Variants in LARP1B observed in about 807,000 individuals in gnomAD.
LARP1B encodes the protein la-related protein 1B.
Under a neutral mutation model 114.2 loss-of-function variants are expected in LARP1B, and 76 were observed. The ratio of observed to expected loss-of-function variants is 0.67; its 90% CI spans 0.55 to 0.81. LARP1B has a LOEUF of 0.81. Ranked by LOEUF, LARP1B falls within the 30% of genes least tolerant of loss-of-function variation. The pLI, the probability that LARP1B is intolerant of heterozygous loss-of-function variation, is 0.00. For missense variants in LARP1B, 1,014 were observed against 1,075.8 expected (o/e 0.94, Z 0.80); for synonymous variants, 345 against 348.0 (o/e 0.99, Z 0.10).
intron 19 of LARP1B, among the ~76,000 whole-genome samples, chr4:128,208,040 G>A (rs1758058232): frequency 6.6e-6 from 1 of 152,232 alleles, no homozygotes; most frequent in East Asian, 1.9e-4. Flanking sequence ...AAAAATAAAG[G>A]AAAAAGCCTG....
chr4:128,205,936 C>T (rs1757454271), intron 17 of LARP1B, among the ~76,000 whole-genome samples: 2 of 152,148 alleles, frequency 1.3e-5, no homozygotes, highest in Admixed American at 6.6e-5. Flanking sequence ...TGATGTGCTA[C>T]GGCTGAGTCA....
intron 7 of LARP1B, among the ~76,000 whole-genome samples, chr4:128,096,864 TGCTGGGATTACA>T (rs1009716511): frequency 6.6e-6 from 1 of 152,126 alleles, no homozygotes; most frequent in Non-Finnish European, 1.5e-5. Context: ...CCTCCCAAAG[TGCTGGGATTACA>T]GGCGTGAGCC....
At chr4:128,175,245 T>C (rs959261828) in intron 12 of LARP1B, among the ~76,000 whole-genome samples, 1 of 152,120 alleles carries the variant, frequency 6.6e-6, no homozygotes, top group Non-Finnish European at 1.5e-5. Flanking sequence ...ATGGTTTTTT[T>C]CCTAGTAGCA....
chr4:128,083,086 A>G (rs1226291240), intron 5 of LARP1B, among the ~76,000 whole-genome samples: 2 of 152,118 alleles, frequency 1.3e-5, no homozygotes, highest in Non-Finnish European at 2.9e-5. Context: ...TAATCCATTT[A>G]ACCCTGAGTG....
chr4:128,202,772 G>C (rs1228554743), intron 17 of LARP1B, among the ~76,000 whole-genome samples: 1 of 152,186 alleles, frequency 6.6e-6, no homozygotes, highest in African/African-American at 2.4e-5. Context: ...CCACTAGACT[G>C]TATTAGCTAC....
chr4:128,069,590 T>C, intron 1 of LARP1B: 5 of 707,894 alleles, frequency 7.1e-6, no homozygotes, highest in South Asian at 6.1e-5. Context: ...CCATAGCTCC[T>C]GGATTTACTT....
At chr4:128,133,728 C>T (rs1016750739) in intron 11 of LARP1B, among the ~76,000 whole-genome samples, 1 of 152,032 alleles carries the variant, frequency 6.6e-6, no homozygotes, top group African/African-American at 2.4e-5. Flanking sequence ...CAGAGTTTCG[C>T]TCTTGTTGCC....
intron 11 of LARP1B, among the ~76,000 whole-genome samples, chr4:128,133,244 G>A (rs1247007757): frequency 6.6e-6 from 1 of 152,116 alleles, no homozygotes; most frequent in Non-Finnish European, 1.5e-5. Flanking sequence ...TGATAAAAAT[G>A]TTCTATAGTT....
At chr4:128,062,029 G>A in intron 1 of LARP1B, 1 of 984,798 alleles carries the variant, frequency 1.0e-6, no homozygotes, top group Non-Finnish European at 1.2e-6. Flanking sequence ...CGCCGCCGTC[G>A]CCGTTGCCGC....
At chr4:128,116,568 G>A (rs1204766142) in intron 10 of LARP1B, among the ~76,000 whole-genome samples, 1 of 152,120 alleles carries the variant, frequency 6.6e-6, no homozygotes, top group Non-Finnish European at 1.5e-5. Flanking sequence ...AAAGTATAAG[G>A]AGAACTGTGT....
chr4:128,093,545 G>C (rs144971128), intron 7 of LARP1B, among the ~76,000 whole-genome samples: 1 of 151,764 alleles, frequency 6.6e-6, no homozygotes, highest in Non-Finnish European at 1.5e-5. Flanking sequence ...GCAGTGAGCC[G>C]AGATAGTGCC....
In LARP1B at chr4:128,211,419, G is replaced by A. The variant is rs372584135; in HGVS notation, c.*1366G>A. ...CATATAATCTTTGGATGGATGGGCT[G>A]TTAATTTGTAAATAGGTTTTCATTA... On this transcript the variant is annotated 3_prime_UTR_variant, in exon 20 of 20. Transcript: ENST00000326639. The A allele has an allele frequency of 3.3e-6, 3 of 921,824 alleles. No homozygotes were observed. Among genetic ancestry groups the A allele is most frequent in the East Asian group, 1.2e-4 (1 of 8,522 alleles). The allele number at this position is 921,824 out of a possible 1,614,324, so 57.1% of individuals were successfully genotyped here. A position where few individuals can be genotyped will look rare whatever the true frequency, so the allele number is the denominator to read the frequency against.
At chr4:128,200,736 G>T in intron 17 of LARP1B, 71 bp downstream of exon 17, 2 of 1,106,208 alleles carry the variant, frequency 1.8e-6, no homozygotes, top group South Asian at 3.4e-5. Context: ...TACCCAGGTA[G>T]ATCCGATAGA....
intron 1 of LARP1B, among the ~76,000 whole-genome samples, chr4:128,065,315 TTCTC>T (rs1197451841): frequency 0.035 from 2,815 of 79,978 alleles, 108 homozygotes; most frequent in Middle Eastern, 0.048. Context: ...CTTTCTTTCT[TTCTC>T]TCTCTCTCTC....
At chr4:128,098,091 C>A in intron 7 of LARP1B, 95 bp from the exon 8 acceptor site, 1 of 946,244 alleles carries the variant, frequency 1.1e-6, no homozygotes, top group Non-Finnish European at 1.6e-6. Flanking sequence ...ACAATATTTT[C>A]ATGTTAATGA....
intron 11 of LARP1B, among the ~76,000 whole-genome samples, chr4:128,156,582 G>A (rs1228538096): frequency 6.6e-6 from 1 of 151,738 alleles, no homozygotes; most frequent in Admixed American, 6.6e-5. Flanking sequence ...CCCTACCCCC[G>A]TGACAGAAGG....
chr4:128,095,319 T>C (rs1777489181), intron 7 of LARP1B, among the ~76,000 whole-genome samples: 1 of 151,362 alleles, frequency 6.6e-6, no homozygotes, highest in South Asian at 2.1e-4. Context: ...TGAAACCCCG[T>C]CTCTACTAAG....
chr4:128,141,345 C>T (rs1728008664), intron 11 of LARP1B, among the ~76,000 whole-genome samples: 1 of 152,156 alleles, frequency 6.6e-6, no homozygotes. Flanking sequence ...ATACCTTCCC[C>T]TAACTATAAA....
At chr4:128,110,063 T>C (rs1783514456) in intron 9 of LARP1B, among the ~76,000 whole-genome samples, 1 of 151,988 alleles carries the variant, frequency 6.6e-6, no homozygotes, top group African/African-American at 2.4e-5. Flanking sequence ...GCCACCACGC[T>C]TGGCTTATTT....
Sources: gnomAD v4.1 joint callset for allele counts (sites outside exome capture counted in the v4.1 genomes callset) on GRCh38, gnomAD v4.1.1 for gene constraint, MANE v1.5 for transcripts, NCBI Gene and HGNC (gene_info 2026-07-23, HGNC 2026-07-21) for gene names.